LPAR1: variants seen among roughly 807,000 people sequenced by gnomAD.
The protein encoded by LPAR1 is lysophosphatidic acid receptor 1.
In LPAR1, 5 loss-of-function variants were observed where a neutral mutation model predicts 23.8. The ratio of observed to expected loss-of-function variants is 0.21; its 90% confidence interval spans 0.11 to 0.44. LPAR1 has a LOEUF of 0.44. Among genes scored for constraint, LPAR1 ranks in the 20% least tolerant of loss-of-function variants. The pLI is 0.99. For synonymous variants in LPAR1, 160 were observed against 164.7 expected, an observed-to-expected ratio of 0.97 and a Z score of 0.22; for missense variants, 311 against 482.8, an observed-to-expected ratio of 0.64 and a Z score of 3.33.
At chr9:110,901,840 A>G (rs867102169) in intron 5 of LPAR1, among the ~76,000 whole-genome samples, 3 of 152,222 alleles carry the variant, frequency 2.0e-5, no homozygotes, top group African/African-American at 4.8e-5. Flanking sequence ...TTCTACTGAA[A>G]CAAAGCCACT....
At chr9:110,997,585 A>C (rs1349306483) in intron 2 of LPAR1, among the ~76,000 whole-genome samples, 1 of 152,236 alleles carries the variant, frequency 6.6e-6, no homozygotes, top group African/African-American at 2.4e-5. Flanking sequence ...CATGAAACTT[A>C]AACACAAAAC....
At chr9:110,910,523 T>C (rs2092287880) in intron 5 of LPAR1, among the ~76,000 whole-genome samples, 1 of 152,198 alleles carries the variant, frequency 6.6e-6, no homozygotes, top group Non-Finnish European at 1.5e-5. Context: ...CTGCAGCCCA[T>C]GGATCAAGGA....
intron 4 of LPAR1, among the ~76,000 whole-genome samples, chr9:110,964,283 T>C (rs2096115844): frequency 7.5e-6 from 1 of 134,228 alleles, no homozygotes; most frequent in South Asian, 2.2e-4. Context: ...ATCTAATCAA[T>C]GTTTTTAAAA....
At chr9:111,016,250 G>T (rs145571648) in intron 2 of LPAR1, among the ~76,000 whole-genome samples, 1 of 152,086 alleles carries the variant, frequency 6.6e-6, no homozygotes, top group Non-Finnish European at 1.5e-5. Flanking sequence ...CCATATACCA[G>T]CAAATGTCAC....
Position 111,015,205 on chromosome 9 carries a change from TG to T in LPAR1, c.-182+20916del, listed in dbSNP as rs1352845597. ...TTTGTTGTTTCAGCCACCCAGTCCG[TG>T]GGACTTCATGGCAGCCCTGGCAATC... On this transcript the variant is annotated intron_variant, in intron 2 of 5. Coordinates refer to ENST00000683809, the MANE Select transcript of LPAR1 (RefSeq NM_001351411.2). 2.0e-5 allele frequency among the ~76,000 whole-genome samples: 3 copies of T among 152,258 alleles called. No homozygotes were observed. The East Asian group carries it at 5.8e-4, about 29-fold the overall frequency.
chr9:110,996,027 T>C (rs2096993972), intron 2 of LPAR1, among the ~76,000 whole-genome samples: 1 of 152,120 alleles, frequency 6.6e-6, no homozygotes, highest in Non-Finnish European at 1.5e-5. Context: ...AAAGCCCCTA[T>C]GTCTGAGACA....
intron 2 of LPAR1, among the ~76,000 whole-genome samples, chr9:110,981,720 A>G (rs1327434109): frequency 6.6e-6 from 1 of 152,114 alleles, no homozygotes; most frequent in Non-Finnish European, 1.5e-5. Flanking sequence ...ACAATAATGG[A>G]ATTTACTAGA....
chr9:110,891,714 A>G, intron 5 of LPAR1, among the ~76,000 whole-genome samples: 1 of 152,156 alleles, frequency 6.6e-6, no homozygotes, highest in Non-Finnish European at 1.5e-5. Context: ...TGAATAATCC[A>G]ATTAAAATGT....
chr9:110,926,804 T>A (rs2094072003), intron 5 of LPAR1, among the ~76,000 whole-genome samples: 2 of 152,184 alleles, frequency 1.3e-5, no homozygotes, highest in Admixed American at 1.3e-4. Context: ...ATACTCACAG[T>A]ACCAAAAATG....
chr9:111,022,216 G>A (rs1252056021), intron 2 of LPAR1, among the ~76,000 whole-genome samples: 1 of 152,080 alleles, frequency 6.6e-6, no homozygotes, highest in African/African-American at 2.4e-5. Context: ...GTTGAAAATA[G>A]AAAGCATAAA....
chr9:110,960,669 T>C (rs1472775917), intron 4 of LPAR1, among the ~76,000 whole-genome samples: 5 of 152,172 alleles, frequency 3.3e-5, no homozygotes, highest in Non-Finnish European at 5.9e-5. Flanking sequence ...AGAAATTGAA[T>C]TCAGTCTGAG....
At chr9:110,945,264 T>C (rs563281302) in intron 4 of LPAR1, 147 of 152,312 alleles carry the variant, frequency 9.7e-4, no homozygotes, top group African/African-American at 3.4e-3. Context: ...GAGAATCCAA[T>C]TTAACTGCAA....
At chr9:110,910,771 A>G (rs7035543) in intron 5 of LPAR1, among the ~76,000 whole-genome samples, 18,529 of 152,208 alleles carry the variant, frequency 0.12, 1,214 homozygotes, top group South Asian at 0.13. Flanking sequence ...TGAAGGGTTC[A>G]AGACTTCAGT....
intron 2 of LPAR1, among the ~76,000 whole-genome samples, chr9:111,007,767 A>T (rs1198663401): frequency 6.6e-6 from 1 of 152,190 alleles, no homozygotes; most frequent in East Asian, 1.9e-4. Flanking sequence ...CTACTTCAAG[A>T]TGTTTATCAT....
intron 5 of LPAR1, among the ~76,000 whole-genome samples, chr9:110,905,124 T>C (rs561211707): frequency 1.4e-5 from 2 of 144,260 alleles, no homozygotes; most frequent in Admixed American, 7.0e-5. Context: ...CTATAACAAA[T>C]CCTTGGAACT....
rs545289302 is a variant in LPAR1, at chr9:110,904,283, T to C, written c.794-28561A>G. ...GATCCTCCTCATGAGTTTCATAAGA[T>C]ATATTAGATGACTTAAACATTATAA... On this transcript the variant is annotated intron_variant, in intron 5 of 5. Coordinates refer to ENST00000683809, the MANE Select transcript of LPAR1 (RefSeq NM_001351411.2). Among the ~76,000 whole-genome samples the C allele has an allele frequency of 3.3e-5, 5 of 152,104 alleles. No individual in the cohort carries two copies. The South Asian group carries it at 8.3e-4, about 25-fold the overall frequency.
chr9:111,000,931 A>G (rs543376038), intron 2 of LPAR1, among the ~76,000 whole-genome samples: 1 of 152,270 alleles, frequency 6.6e-6, no homozygotes, highest in South Asian at 2.1e-4. Flanking sequence ...CTCTAAAACA[A>G]TGAAAACCTT....
At chr9:110,995,096 T>C (rs189985668) in intron 2 of LPAR1, among the ~76,000 whole-genome samples, 93 of 152,302 alleles carry the variant, frequency 6.1e-4, no homozygotes, top group Non-Finnish European at 9.4e-4. Flanking sequence ...CCAGGATACA[T>C]GTCACATGAG....
intron 4 of LPAR1, among the ~76,000 whole-genome samples, chr9:110,943,815 A>G (rs1006244040): frequency 4.0e-5 from 6 of 150,348 alleles, no homozygotes; most frequent in Non-Finnish European, 7.4e-5. Context: ...AGCCAAGATC[A>G]TGCCACTGCA....
Sources: allele counts gnomAD v4.1 joint callset (sites outside exome capture counted in the v4.1 genomes callset), GRCh38; gene constraint gnomAD v4.1.1; transcripts MANE v1.5; gene names NCBI Gene and HGNC (gene_info 2026-07-23, HGNC 2026-07-21).